The following NELL2 variants were observed in gnomAD, a reference collection of about 807,000 sequenced individuals.
The protein encoded by NELL2 is protein kinase C-binding protein NELL2.
NELL2 carries 41 observed loss-of-function variants against 109.6 expected under a neutral mutation model. That is an observed-to-expected ratio of 0.37 (90% confidence interval 0.29 to 0.49). The LOEUF is 0.49. Ranked by LOEUF, NELL2 falls within the 20% of genes least tolerant of loss-of-function variation. NELL2 has a pLI of 0.98. For missense variants in NELL2, 900 were observed against 1,008.3 expected (o/e 0.89, Z 1.45); for synonymous variants, 355 against 344.7 (o/e 1.03, Z -0.33).
chr12:44,901,670 G>A (rs751648474), intron 1 of NELL2, among the ~76,000 whole-genome samples: 1 of 152,100 alleles, frequency 6.6e-6, no homozygotes, highest in Non-Finnish European at 1.5e-5. Flanking sequence ...CTGGCAAACT[G>A]AATCCAGCAG....
Position 44,876,091 on chromosome 12 carries a change from A to T in NELL2, c.-222T>A, listed in dbSNP as rs1395673965. The T allele has an allele frequency of 1.5e-6, 2 of 1,321,040 alleles. No homozygotes were observed. Among genetic ancestry groups the T allele is most frequent in the Non-Finnish European group, 1.9e-6 (2 of 1,033,200 alleles). The allele number at this position is 1,321,040 out of a possible 1,614,324, so 81.8% of individuals were successfully genotyped here. On this transcript the variant is annotated 5_prime_UTR_variant, in exon 1 of 20. Coordinates refer to ENST00000429094, the MANE Select transcript of NELL2 (RefSeq NM_001145108.2). ...CCTCCAATGCGCACATCATTCCCAC[A>T]CGCAGGGCCGAGGCGGCAGCGCGGC...
intron 2 of NELL2, among the ~76,000 whole-genome samples, chr12:44,859,731 A>G (rs1208551240): frequency 6.6e-6 from 1 of 152,210 alleles, no homozygotes; most frequent in Non-Finnish European, 1.5e-5. Flanking sequence ...GAGAGGTGGA[A>G]TAAAGCCAAA....
At chr12:44,917,729 T>C (rs268040), upstream of NELL2, among the ~76,000 whole-genome samples, 5,301 of 152,282 alleles carry the variant, frequency 0.035, 202 homozygotes, top group African/African-American at 0.086. Flanking sequence ...AAAGAGTGAC[T>C]AGGCACTCCC....
At chr12:44,886,081 T>TAGGAAGGA (rs1388356004) in intron 1 of NELL2, among the ~76,000 whole-genome samples, 76 of 107,888 alleles carry the variant, frequency 7.0e-4, no homozygotes, top group Admixed American at 6.0e-3. Flanking sequence ...AACATCCATA[T>TAGGAAGGA]AGTAAGGAAG....
rs188151394 is a variant in NELL2 at position 44,821,667 on chromosome 12, T to G, written c.185-5531A>C. On this transcript the variant is annotated intron_variant, in intron 2 of 19. Transcript: ENST00000429094. The stretch of plus-strand genomic sequence containing the variant: ...GACCATTAAATCAAGTCAAAGAAAC[T>G]ACCACCCAATAATTAATTTTACTTT... Among the ~76,000 whole-genome samples the G allele has an allele frequency of 5.3e-5, 8 of 152,082 alleles. 1 individual carries two copies. Among genetic ancestry groups the G allele is most frequent in the African/African-American group, 1.9e-4 (8 of 41,432 alleles).
intron 3 of NELL2, among the ~76,000 whole-genome samples, chr12:44,789,535 C>T (rs61284672): frequency 0.014 from 2,195 of 152,206 alleles, 51 homozygotes; most frequent in African/African-American, 0.05. Flanking sequence ...CACCAGAAAA[C>T]CAGCTCTGGT....
At chr12:44,628,314 C>G (rs987673766) in intron 13 of NELL2, among the ~76,000 whole-genome samples, 4 of 152,120 alleles carry the variant, frequency 2.6e-5, no homozygotes, top group Non-Finnish European at 5.9e-5. Context: ...TTAGACTTTG[C>G]AGTTATCCAG....
Position 44,770,790 on chromosome 12 carries a change from C to G in NELL2, c.994+3957G>C, listed in dbSNP as rs542872316. On this transcript the variant is annotated intron_variant, in intron 9 of 19. Coordinates refer to ENST00000429094, the MANE Select transcript of NELL2 (RefSeq NM_001145108.2). ...TAACAATGGAGGAAAGACATTACAG[C>G]ATCAGTTCAGATTTGCCTCAGATTC... 7.2e-5 allele frequency among the ~76,000 whole-genome samples: 11 copies of G among 152,288 alleles called. No homozygotes were observed. In the South Asian group the frequency reaches 1.7e-3, roughly 23 times the overall value.
chr12:44,660,594 A>G (rs1407602164), intron 13 of NELL2, among the ~76,000 whole-genome samples: 1 of 152,158 alleles, frequency 6.6e-6, no homozygotes, highest in Non-Finnish European at 1.5e-5. Context: ...TGCACAATTG[A>G]CAACCACTAC....
At chr12:44,818,044 C>T (rs1017202183) in intron 2 of NELL2, among the ~76,000 whole-genome samples, 3 of 147,760 alleles carry the variant, frequency 2.0e-5, no homozygotes, top group African/African-American at 7.3e-5. Context: ...TCAACATTCC[C>T]ATTCAACATT....
chr12:44,758,331 G>A (rs555043092), intron 9 of NELL2, among the ~76,000 whole-genome samples: 9 of 152,114 alleles, frequency 5.9e-5, no homozygotes, highest in East Asian at 3.9e-4. Context: ...GGATGGTTGC[G>A]TTTTCTAAAT....
At chr12:44,890,119 A>G (rs1188812669) in intron 1 of NELL2, among the ~76,000 whole-genome samples, 1 of 152,196 alleles carries the variant, frequency 6.6e-6, no homozygotes, top group Admixed American at 6.5e-5. Context: ...AAATGCCCCT[A>G]GAGTTCCGTC....
At chr12:44,731,661 A>T (rs1939377658) in intron 9 of NELL2, among the ~76,000 whole-genome samples, 1 of 152,132 alleles carries the variant, frequency 6.6e-6, no homozygotes, top group Non-Finnish European at 1.5e-5. Context: ...TGATAAACTA[A>T]GTTTCTCTTT....
At chr12:44,773,488 A>G (rs1450554) in intron 9 of NELL2, among the ~76,000 whole-genome samples, 72,386 of 151,808 alleles carry the variant, frequency 0.48, 18,059 homozygotes, top group Non-Finnish European at 0.55. Flanking sequence ...GAAAAAAAAA[A>G]AAGAAGTTAA....
At chr12:44,874,115 A>C (rs996765372) in intron 2 of NELL2, among the ~76,000 whole-genome samples, 2 of 152,176 alleles carry the variant, frequency 1.3e-5, no homozygotes, top group Non-Finnish European at 2.9e-5. Context: ...TCAGGCAACA[A>C]CACCACTACA....
chr12:44,882,911 A>G (rs530696163), intron 1 of NELL2, among the ~76,000 whole-genome samples: 42 of 140,134 alleles, frequency 3.0e-4, no homozygotes, highest in African/African-American at 1.1e-3. Flanking sequence ...TGCAGTCTCA[A>G]CTCACTGCAA....
At position 44,572,836 on chromosome 12, in the gene NELL2, C is replaced by A. The variant is rs193247275; in HGVS notation, c.1663+34333G>T. Among the ~76,000 whole-genome samples, 125 of 152,308 alleles carry A rather than the reference C, an allele frequency of 8.2e-4. 1 individual carries two copies. Among genetic ancestry groups the A allele is most frequent in the Non-Finnish European group, 2.8e-4 (19 of 68,030 alleles). ...TATGTGACATGGCTAAGAAGCCACA[C>A]TGGAGACTAGAGAGATTCTGAAATT... On this transcript the variant is annotated intron_variant, in intron 15 of 19. Transcript: ENST00000429094.
At position 44,714,694 on chromosome 12, in the gene NELL2, T is replaced by C; in HGVS notation, c.1042A>G (p.Thr348Ala). ...CATACTCCAGAAGAGGAATAGACTGTATTTCTTTCTCCTTCAAAGTAGGTT... is the reference window on the plus strand; with the variant it reads ...CATACTCCAGAAGAGGAATAGACTGCATTTCTTTCTCCTTCAAAGTAGGTT... ...GRTYFEGERN[T>A]VYSSSGVCVL... The change falls in exon 10 of 20, where the codon ACA becomes GCA. Residue 348 changes from threonine to alanine, a missense_variant. Thr to Ala is a moderately conservative substitution (Grantham distance 58). Around this residue, in one of 4 missense-constraint regions of NELL2, gnomAD observed 292 missense variants for 265.3 expected, o/e 1.10. Transcript: ENST00000429094. The C allele has an allele frequency of 6.2e-7, 1 of 1,604,492 alleles. No individual in the cohort carries two copies. The highest frequency in any genetic ancestry group is 1.1e-5 in the South Asian group (1 of 89,264).
At chr12:44,892,419 A>T (rs970456100) in intron 1 of NELL2, among the ~76,000 whole-genome samples, 7 of 152,194 alleles carry the variant, frequency 4.6e-5, no homozygotes, top group African/African-American at 1.7e-4. Context: ...CTCTGTGCTT[A>T]AAAGTTTTCA....
Sources: allele counts gnomAD v4.1 joint callset (sites outside exome capture counted in the v4.1 genomes callset), GRCh38; gene constraint gnomAD v4.1.1; regional missense constraint gnomAD v4.1.1; transcripts MANE v1.5; gene names NCBI Gene and HGNC (gene_info 2026-07-23, HGNC 2026-07-21).